HCRTR2: variants seen among roughly 807,000 people sequenced by gnomAD.
HCRTR2 encodes orexin receptor type 2.
In HCRTR2, 22 loss-of-function variants were observed where a neutral mutation model predicts 49.0. The ratio of observed to expected loss-of-function variants is 0.45; its 90% confidence interval spans 0.32 to 0.64. The LOEUF is 0.64. Ranked by LOEUF, HCRTR2 falls within the 30% of genes least tolerant of loss-of-function variation. The pLI is 0.04. For synonymous variants in HCRTR2, 236 were observed against 205.3 expected (o/e 1.15, Z -1.28); for missense variants, 491 against 559.4 (o/e 0.88, Z 1.23).
chr6:55,111,140 A>G (rs1350134532), intron 1 of HCRTR2, among the ~76,000 whole-genome samples: 4 of 151,672 alleles, frequency 2.6e-5, no homozygotes, highest in Non-Finnish European at 5.9e-5. Flanking sequence ...GTCAACAATG[A>G]AATCAAGATG....
chr6:55,170,958 T>C (rs890819921), upstream of HCRTR2, among the ~76,000 whole-genome samples: 3 of 152,034 alleles, frequency 2.0e-5, no homozygotes, highest in African/African-American at 4.8e-5. Context: ...ATATGTGCCA[T>C]ATTTTCTTAA....
At chr6:55,145,113 T>C (rs1372634690) in intron 1 of HCRTR2, among the ~76,000 whole-genome samples, 3 of 151,458 alleles carry the variant, frequency 2.0e-5, no homozygotes, top group Non-Finnish European at 4.4e-5. Flanking sequence ...TACCAAATTC[T>C]GTTTAAATGT....
chr6:55,220,772 C>A (rs1357750958), intron 1 of HCRTR2, among the ~76,000 whole-genome samples: 1 of 152,136 alleles, frequency 6.6e-6, no homozygotes, highest in East Asian at 1.9e-4. Context: ...AAAATTATCT[C>A]TATTCCCAGA....
At chr6:55,222,148 C>A (rs530270720) in intron 1 of HCRTR2, among the ~76,000 whole-genome samples, 6 of 151,998 alleles carry the variant, frequency 3.9e-5, no homozygotes, top group Non-Finnish European at 8.8e-5. Context: ...GGACAATGGA[C>A]CTGATGGATA....
At chr6:55,194,236 T>A (rs1002359578) in intron 1 of HCRTR2, among the ~76,000 whole-genome samples, 1 of 152,130 alleles carries the variant, frequency 6.6e-6, no homozygotes, top group Non-Finnish European at 1.5e-5. Context: ...TTAGGATGCA[T>A]GTATTATTAG....
intron 1 of HCRTR2, among the ~76,000 whole-genome samples, chr6:55,177,149 AGCACTGTCCACAGCCCCAAGT>A (rs1394486811): frequency 6.6e-6 from 1 of 152,230 alleles, no homozygotes; most frequent in Admixed American, 6.5e-5. Context: ...CAAGGAAGAT[AGCACTGTCCACAGCCCCAAGT>A]GCTGAAATGG....
chr6:55,132,834 G>A (rs1286583335), intron 1 of HCRTR2, among the ~76,000 whole-genome samples: 2 of 151,144 alleles, frequency 1.3e-5, no homozygotes, highest in Non-Finnish European at 3.0e-5. Flanking sequence ...ATGTTTAGAT[G>A]GGGTTGATCT....
intron 3 of HCRTR2, among the ~76,000 whole-genome samples, chr6:55,260,984 A>G (rs576868215): frequency 6.6e-6 from 1 of 152,310 alleles, no homozygotes; most frequent in African/African-American, 2.4e-5. Flanking sequence ...CAACAATACT[A>G]TGGGATAAAC....
chr6:55,150,666 A>T (rs1764652905), intron 1 of HCRTR2, among the ~76,000 whole-genome samples: 1 of 151,954 alleles, frequency 6.6e-6, no homozygotes, highest in South Asian at 2.1e-4. Context: ...AAATGGCAAG[A>T]TTTCCTTTTT....
chr6:55,195,638 T>C (rs1765395257), intron 1 of HCRTR2, among the ~76,000 whole-genome samples: 1 of 152,112 alleles, frequency 6.6e-6, no homozygotes, highest in Admixed American at 6.5e-5. Flanking sequence ...ATATCCCAAT[T>C]ACCCTGATTT....
chr6:55,142,996 A>ATAGC (rs1764529809), intron 1 of HCRTR2, among the ~76,000 whole-genome samples: 6 of 134,332 alleles, frequency 4.5e-5, no homozygotes, highest in Admixed American at 4.4e-4. Context: ...TAGATGATAG[A>ATAGC]TAGATAGATA....
chr6:55,178,439 C>T (rs989823354), intron 1 of HCRTR2, among the ~76,000 whole-genome samples: 5 of 152,012 alleles, frequency 3.3e-5, no homozygotes, highest in African/African-American at 1.2e-4. Flanking sequence ...TCGATAATGA[C>T]TGCATTATAG....
intron 1 of HCRTR2, among the ~76,000 whole-genome samples, chr6:55,239,445 T>A (rs1766277805): frequency 6.6e-6 from 1 of 152,348 alleles, no homozygotes; most frequent in East Asian, 1.9e-4. Flanking sequence ...TCTGTAGAGA[T>A]AATAATCACA....
intron 1 of HCRTR2, among the ~76,000 whole-genome samples, chr6:55,135,923 C>T (rs1055987396): frequency 3.3e-5 from 5 of 152,146 alleles, no homozygotes; most frequent in Non-Finnish European, 7.4e-5. Flanking sequence ...ATATCCCCAG[C>T]ATTTCTTATG....
chr6:55,206,585 T>A (rs1460581327), intron 1 of HCRTR2, among the ~76,000 whole-genome samples: 1 of 151,990 alleles, frequency 6.6e-6, no homozygotes, highest in Non-Finnish European at 1.5e-5. Flanking sequence ...AAATAGCATC[T>A]ACCTATAAGG....
intron 1 of HCRTR2, among the ~76,000 whole-genome samples, chr6:55,181,309 C>A (rs1678733870): frequency 6.6e-6 from 1 of 152,122 alleles, no homozygotes; most frequent in African/African-American, 2.4e-5. Flanking sequence ...AAAATGTTTT[C>A]ATTTCACCTT....
intron 1 of HCRTR2, among the ~76,000 whole-genome samples, chr6:55,182,558 T>C: frequency 6.6e-6 from 1 of 152,042 alleles, no homozygotes; most frequent in East Asian, 1.9e-4. Flanking sequence ...CCAGGTTGAG[T>C]CTTGAGGTGA....
At chr6:55,154,177 A>G (rs1254909969) in intron 1 of HCRTR2, among the ~76,000 whole-genome samples, 1 of 151,910 alleles carries the variant, frequency 6.6e-6, no homozygotes, top group Non-Finnish European at 1.5e-5. Context: ...AAGTCTTCAC[A>G]AATGAATTCT....
intron 1 of HCRTR2, among the ~76,000 whole-genome samples, chr6:55,248,411 T>C (rs1025667727): frequency 6.6e-6 from 1 of 151,652 alleles, no homozygotes; most frequent in African/African-American, 2.4e-5. Context: ...TAAAAATAAA[T>C]ACAGCCTTAT....
Sources: gnomAD v4.1 joint callset for allele counts (sites outside exome capture counted in the v4.1 genomes callset) on GRCh38, gnomAD v4.1.1 for gene constraint, MANE v1.5 for transcripts, NCBI Gene and HGNC (gene_info 2026-07-23, HGNC 2026-07-21) for gene names.